The following CCDC60 variants were observed in gnomAD, a reference collection of about 807,000 sequenced individuals.
CCDC60 encodes coiled-coil domain containing 60.
A neutral mutation model predicts 63.5 loss-of-function variants in CCDC60; 54 were observed. The ratio of observed to expected loss-of-function variants is 0.85; its 90% CI spans 0.68 to 1.07. The LOEUF is 1.07. Among genes scored for constraint, CCDC60 ranks in the 50% least tolerant of loss-of-function variants. CCDC60 has a pLI of 0.00. For synonymous variants in CCDC60, 206 were observed against 238.8 expected (o/e 0.86, Z 1.27); for missense variants, 651 against 684.3 (o/e 0.95, Z 0.54).
At chr12:119,352,445 C>G (rs560417204) in intron 1 of CCDC60, among the ~76,000 whole-genome samples, 9 of 152,298 alleles carry the variant, frequency 5.9e-5, no homozygotes, top group African/African-American at 2.2e-4. Context: ...GTGTTATCAC[C>G]TCTTTTTTAC....
intron 6 of CCDC60, 47 bp from the exon 7 acceptor site, chr12:119,505,021 CT>C (rs1199197994): frequency 1.1e-5 from 16 of 1,405,980 alleles, no homozygotes; most frequent in African/African-American, 1.4e-5. Context: ...TTTCTTCCAT[CT>C]TTTTCCCCCT....
chr12:119,338,991 C>G (rs1273116195), intron 1 of CCDC60, among the ~76,000 whole-genome samples: 1 of 152,188 alleles, frequency 6.6e-6, no homozygotes, highest in East Asian at 1.9e-4. Context: ...ACAGGCTCTT[C>G]ATGGTTTTTG....
At position 119,469,407 on chromosome 12, in the gene CCDC60, C is replaced by T. The variant is rs536979760; in HGVS notation, c.171-2587C>T. ...TCCCGAGTAGCTGGGATTAGAGGCA[C>T]CCGCCACCACCCTGGCTAATTTTTG... On this transcript the variant is annotated intron_variant, in intron 2 of 13. Transcript: ENST00000327554. 6.6e-5 allele frequency among the ~76,000 whole-genome samples: 10 copies of T among 152,146 alleles called. 1 individual carries two copies. In the East Asian group the frequency reaches 1.4e-3, roughly 21 times the overall value.
intron 1 of CCDC60, among the ~76,000 whole-genome samples, chr12:119,336,247 T>TA (rs147828324): frequency 0.11 from 16,928 of 151,016 alleles, 1,070 homozygotes; most frequent in African/African-American, 0.16. Context: ...AGTATAATAA[T>TA]ACAAAAAAAG....
chr12:119,412,949 A>G (rs901795973), intron 1 of CCDC60, among the ~76,000 whole-genome samples: 22 of 152,042 alleles, frequency 1.4e-4, no homozygotes, highest in Non-Finnish European at 8.8e-5. Flanking sequence ...ATTGGAGCCC[A>G]TTTGCCATCT....
intron 2 of CCDC60, among the ~76,000 whole-genome samples, chr12:119,435,279 G>A (rs1410036284): frequency 6.6e-6 from 1 of 152,190 alleles, no homozygotes; most frequent in Admixed American, 6.5e-5. Flanking sequence ...GAATTTATCA[G>A]TTGAAATAAG....
At chr12:119,404,957 A>G (rs1225203906) in intron 1 of CCDC60, among the ~76,000 whole-genome samples, 1 of 152,214 alleles carries the variant, frequency 6.6e-6, no homozygotes, top group Non-Finnish European at 1.5e-5. Context: ...AATTTGCATG[A>G]TGAACCTGCT....
intron 1 of CCDC60, among the ~76,000 whole-genome samples, chr12:119,339,843 C>T (rs1435116663): frequency 6.6e-6 from 1 of 152,102 alleles, no homozygotes; most frequent in Non-Finnish European, 1.5e-5. Context: ...GCAGATTCTT[C>T]GCAAACTCTG....
chr12:119,398,345 C>G (rs1279190728), intron 1 of CCDC60, among the ~76,000 whole-genome samples: 1 of 152,124 alleles, frequency 6.6e-6, no homozygotes, highest in Non-Finnish European at 1.5e-5. Flanking sequence ...CGTGGCCCTC[C>G]GAGCTTACGC....
chr12:119,360,909 G>T (rs190259688), intron 1 of CCDC60, among the ~76,000 whole-genome samples: 8,514 of 152,166 alleles, frequency 0.056, 295 homozygotes, highest in Non-Finnish European at 0.07. Flanking sequence ...CGAGGCTGGC[G>T]GATCACTCGC....
At chr12:119,394,435 C>T (rs1449909578) in intron 1 of CCDC60, among the ~76,000 whole-genome samples, 1 of 152,220 alleles carries the variant, frequency 6.6e-6, no homozygotes, top group African/African-American at 2.4e-5. Flanking sequence ...TTAGCGTCCA[C>T]CCACCATGTG....
chr12:119,479,020 C>A, intron 3 of CCDC60, 74 bp from the exon 4 acceptor site: 3 of 1,003,964 alleles, frequency 3.0e-6, no homozygotes, highest in Non-Finnish European at 4.7e-6. Context: ...GCCGAATAGA[C>A]CGTGGCAAGA....
intron 1 of CCDC60, among the ~76,000 whole-genome samples, chr12:119,397,333 C>T (rs1956276372): frequency 6.6e-6 from 1 of 152,094 alleles, no homozygotes; most frequent in African/African-American, 2.4e-5. Flanking sequence ...CCTACCCACA[C>T]CCTGCTGATT....
At chr12:119,349,331 G>A (rs921007015) in intron 1 of CCDC60, among the ~76,000 whole-genome samples, 10 of 147,422 alleles carry the variant, frequency 6.8e-5, no homozygotes, top group Non-Finnish European at 1.2e-4. Flanking sequence ...GGTCCAGGGC[G>A]TGTTCCTTTT....
chr12:119,435,221 A>G (rs1950302885), intron 2 of CCDC60, among the ~76,000 whole-genome samples: 1 of 152,248 alleles, frequency 6.6e-6, no homozygotes, highest in Admixed American at 6.5e-5. Context: ...TCATGGTCCC[A>G]AGAAAGTGTT....
At chr12:119,402,736 C>T (rs1293260525) in intron 1 of CCDC60, among the ~76,000 whole-genome samples, 1 of 152,086 alleles carries the variant, frequency 6.6e-6, no homozygotes, top group East Asian at 1.9e-4. Flanking sequence ...AATCTCTCAA[C>T]GCTGATGATC....
chr12:119,441,708 G>T (rs1950449092), intron 2 of CCDC60, among the ~76,000 whole-genome samples: 1 of 152,162 alleles, frequency 6.6e-6, no homozygotes, highest in Admixed American at 6.5e-5. Flanking sequence ...TATCCATATT[G>T]TCTCTATTAC....
chr12:119,419,412 G>A (rs1956767953), intron 1 of CCDC60, among the ~76,000 whole-genome samples: 1 of 152,214 alleles, frequency 6.6e-6, no homozygotes, highest in Admixed American at 6.5e-5. Flanking sequence ...TGTAGGCGAT[G>A]CTGTGCCCTT....
chr12:119,524,674 C>T (rs569530587), intron 11 of CCDC60, among the ~76,000 whole-genome samples: 69 of 148,086 alleles, frequency 4.7e-4, no homozygotes, highest in African/African-American at 1.7e-3. Context: ...GGACAGCCCT[C>T]AGAAAGGTTT....
Sources: gnomAD v4.1 joint callset for allele counts (sites outside exome capture counted in the v4.1 genomes callset) on GRCh38, gnomAD v4.1.1 for gene constraint, MANE v1.5 for transcripts, NCBI Gene and HGNC (gene_info 2026-07-23, HGNC 2026-07-21) for gene names.